The following CSMD1 variants were observed in gnomAD, a reference collection of about 807,000 sequenced individuals.
CSMD1 encodes CUB and sushi domain-containing protein 1.
Under a neutral mutation model 417.5 loss-of-function variants are expected in CSMD1, and 213 were observed. The ratio of observed to expected loss-of-function variants is 0.51; its 90% CI spans 0.46 to 0.57. CSMD1 has a LOEUF of 0.57. Ranked by LOEUF, CSMD1 falls within the 20% of genes least tolerant of loss-of-function variation. The pLI, the probability that CSMD1 is intolerant of heterozygous loss-of-function variation, is 0.00. For missense variants in CSMD1, 6,923 were observed against 4,529.7 expected, an observed-to-expected ratio of 1.53 and a Z score of -15.17; for synonymous variants, 2,862 against 1,736.8, an observed-to-expected ratio of 1.65 and a Z score of -16.11.
At chr8:3,389,112 T>C (rs966130411) in intron 17 of CSMD1, among the ~76,000 whole-genome samples, 1 of 152,206 alleles carries the variant, frequency 6.6e-6, no homozygotes, top group Non-Finnish European at 1.5e-5. Context: ...TTTGTTGTTG[T>C]TGTTTGTTTA....
At chr8:3,770,275 C>G (rs1798497662) in intron 5 of CSMD1, among the ~76,000 whole-genome samples, 1 of 152,298 alleles carries the variant, frequency 6.6e-6, no homozygotes, top group South Asian at 2.1e-4. Context: ...TGCCTGTAAT[C>G]CCAACACTTT....
intron 5 of CSMD1, among the ~76,000 whole-genome samples, chr8:3,885,808 G>A (rs1045360006): frequency 1.3e-5 from 2 of 152,064 alleles, no homozygotes; most frequent in African/African-American, 4.8e-5. Flanking sequence ...TAAACAATCA[G>A]TTCTAGAATA....
At chr8:3,429,058 G>A (rs1814039833) in intron 12 of CSMD1, among the ~76,000 whole-genome samples, 1 of 152,140 alleles carries the variant, frequency 6.6e-6, no homozygotes, top group Admixed American at 6.5e-5. Context: ...CAGGAATGGG[G>A]AGAGATGAGT....
At chr8:4,825,975 T>A (rs9314544) in intron 1 of CSMD1, among the ~76,000 whole-genome samples, 19,115 of 151,676 alleles carry the variant, frequency 0.13, 1,462 homozygotes, top group East Asian at 0.33. Flanking sequence ...AATTTTTTTT[T>A]AAAAAAAGAA....
rs377645827 is a variant in CSMD1, at chr8:3,270,131, C to T, written c.4153+14013G>A. Among the ~76,000 whole-genome samples the T allele has an allele frequency of 4.0e-4, 60 of 148,908 alleles. 1 individual carries two copies. The East Asian group carries it at 8.7e-3, about 22-fold the overall frequency. ...GTGGCACTGTCTTGGCCCACTGCAA[C>T]CTCTGCCTCCCGGGTTCAAGCGATT... On this transcript the variant is annotated intron_variant, in intron 26 of 69. Transcript: ENST00000635120.
chr8:4,786,738 A>AT (rs202189660), intron 1 of CSMD1, among the ~76,000 whole-genome samples: 57 of 151,350 alleles, frequency 3.8e-4, no homozygotes, highest in Admixed American at 9.2e-4. Flanking sequence ...CATTATCTTT[A>AT]TTTTTTTTTC....
At chr8:3,944,327 C>T (rs1483254437) in intron 5 of CSMD1, among the ~76,000 whole-genome samples, 1 of 152,038 alleles carries the variant, frequency 6.6e-6, no homozygotes, top group African/African-American at 2.4e-5. Flanking sequence ...TTGCATAATG[C>T]CTTATTTTTT....
At chr8:4,939,181 A>G (rs74647845) in intron 1 of CSMD1, among the ~76,000 whole-genome samples, 3,900 of 152,302 alleles carry the variant, frequency 0.026, 161 homozygotes, top group African/African-American at 0.089. Context: ...TGGGGAAAAG[A>G]AAATCCACGT....
At chr8:4,861,177 G>C (rs1441829179) in intron 1 of CSMD1, among the ~76,000 whole-genome samples, 1 of 152,076 alleles carries the variant, frequency 6.6e-6, no homozygotes, top group Non-Finnish European at 1.5e-5. Context: ...GTTGATAATA[G>C]ATTCTGACAT....
At chr8:4,072,455 C>G (rs565732101) in intron 3 of CSMD1, among the ~76,000 whole-genome samples, 1 of 152,134 alleles carries the variant, frequency 6.6e-6, no homozygotes, top group Non-Finnish European at 1.5e-5. Flanking sequence ...GGGAGATAGA[C>G]TTTATTATTT....
intron 5 of CSMD1, among the ~76,000 whole-genome samples, chr8:3,894,790 G>C (rs779097936): frequency 3.3e-5 from 5 of 152,174 alleles, no homozygotes; most frequent in Non-Finnish European, 7.3e-5. Context: ...GCATAGGGCT[G>C]TTAAATATTT....
intron 1 of CSMD1, among the ~76,000 whole-genome samples, chr8:4,824,799 C>T (rs1050722852): frequency 2.6e-5 from 4 of 152,124 alleles, no homozygotes; most frequent in African/African-American, 9.7e-5. Context: ...TTTTAATGTA[C>T]TCGGAGGAAA....
At chr8:4,945,795 G>T (rs763386029) in intron 1 of CSMD1, among the ~76,000 whole-genome samples, 1 of 152,150 alleles carries the variant, frequency 6.6e-6, no homozygotes, top group Non-Finnish European at 1.5e-5. Context: ...GACGGATGAG[G>T]TTAAGTAGGC....
At chr8:3,495,740 C>G (rs561392493) in intron 10 of CSMD1, among the ~76,000 whole-genome samples, 2 of 152,246 alleles carry the variant, frequency 1.3e-5, no homozygotes, top group African/African-American at 4.8e-5. Context: ...CAAATGAAAA[C>G]TGAAGACAAA....
At chr8:3,772,825 T>C (rs996390032) in intron 5 of CSMD1, among the ~76,000 whole-genome samples, 23 of 152,106 alleles carry the variant, frequency 1.5e-4, no homozygotes, top group Non-Finnish European at 3.4e-4. Context: ...TAAGCCATCT[T>C]ACAGCACCTC....
chr8:4,001,057 G>A (rs76823405), intron 4 of CSMD1, among the ~76,000 whole-genome samples: 10 of 150,092 alleles, frequency 6.7e-5, no homozygotes, highest in Non-Finnish European at 1.2e-4. Flanking sequence ...ATAAAAAAAG[G>A]AAAAAAAAAA....
At chr8:4,378,694 A>T (rs554807598) in intron 3 of CSMD1, among the ~76,000 whole-genome samples, 12 of 152,316 alleles carry the variant, frequency 7.9e-5, no homozygotes, top group African/African-American at 2.9e-4. Context: ...TCAAATGTTG[A>T]AACCTAATAT....
At position 4,044,541 on chromosome 8, in the gene CSMD1, C is replaced by T. The variant is rs200674494; in HGVS notation, c.416-12442G>A. Among the ~76,000 whole-genome samples, 32 of 152,298 alleles carry T rather than the reference C, an allele frequency of 2.1e-4. No individual in the cohort carries two copies. The East Asian group carries it at 5.6e-3, about 27-fold the overall frequency. ...GTCAGGAGGAGCAGGACACTTCATT[C>T]CATCTGTGATTCTACCACGGCAGAG... On this transcript the variant is annotated intron_variant, in intron 3 of 69. Transcript: ENST00000635120.
chr8:4,134,167 T>C (rs896065170), intron 3 of CSMD1, among the ~76,000 whole-genome samples: 18 of 152,324 alleles, frequency 1.2e-4, no homozygotes, highest in African/African-American at 2.4e-4. Flanking sequence ...ATGTGTATGT[T>C]TGACTATTTA....
Sources: gnomAD v4.1 joint callset for allele counts (sites outside exome capture counted in the v4.1 genomes callset) on GRCh38, gnomAD v4.1.1 for gene constraint, MANE v1.5 for transcripts, NCBI Gene and HGNC (gene_info 2026-07-23, HGNC 2026-07-21) for gene names.